The following SHTN1 variants were observed in gnomAD, a reference collection of about 807,000 sequenced individuals.
SHTN1 encodes shootin-1.
SHTN1 carries 42 observed loss-of-function variants against 83.1 expected under a neutral mutation model. The ratio of observed to expected loss-of-function variants is 0.51; its 90% CI spans 0.39 to 0.65. The LOEUF is 0.65. Among genes scored for constraint, SHTN1 ranks in the 30% least tolerant of loss-of-function variants. The pLI is 0.00. For synonymous variants in SHTN1, 224 were observed against 247.7 expected (o/e 0.90, Z 0.90); for missense variants, 622 against 737.8 (o/e 0.84, Z 1.82).
intron 1 of SHTN1, among the ~76,000 whole-genome samples, chr10:117,116,957 A>G (rs1200237390): frequency 5.3e-5 from 8 of 152,172 alleles, no homozygotes; most frequent in Non-Finnish European, 8.8e-5. Context: ...AACATATTGA[A>G]TGAAGAACAA....
intron 13 of SHTN1, among the ~76,000 whole-genome samples, chr10:116,912,194 A>G (rs981769482): frequency 6.6e-6 from 1 of 152,204 alleles, no homozygotes; most frequent in African/African-American, 2.4e-5. Flanking sequence ...TCTTAGGATA[A>G]ACTGTCCTCT....
intron 1 of SHTN1, among the ~76,000 whole-genome samples, chr10:117,001,811 T>G (rs2133540206): frequency 6.6e-6 from 1 of 152,290 alleles, no homozygotes; most frequent in African/African-American, 2.4e-5. Context: ...GACTTGATCA[T>G]TATGCATTCT....
intron 1 of SHTN1, among the ~76,000 whole-genome samples, chr10:117,077,724 C>T (rs895620604): frequency 2.6e-4 from 40 of 151,976 alleles, no homozygotes; most frequent in African/African-American, 9.4e-4. Context: ...TGAGAACATG[C>T]GGTGTTTGGT....
At chr10:117,121,098 C>T (rs1381724803) in intron 1 of SHTN1, among the ~76,000 whole-genome samples, 3 of 152,122 alleles carry the variant, frequency 2.0e-5, no homozygotes, top group South Asian at 4.1e-4. Flanking sequence ...GCATGAATGA[C>T]CATGCCCATT....
At chr10:116,983,259 A>C (rs560263130) in intron 1 of SHTN1, among the ~76,000 whole-genome samples, 10 of 152,176 alleles carry the variant, frequency 6.6e-5, no homozygotes. Context: ...AAATGAGTTA[A>C]CATATAAAAG....
At chr10:117,086,834 T>A (rs1853359417) in intron 1 of SHTN1, among the ~76,000 whole-genome samples, 1 of 152,154 alleles carries the variant, frequency 6.6e-6, no homozygotes, top group Non-Finnish European at 1.5e-5. Context: ...TATGTGAGCT[T>A]AAAGGTGGAC....
intron 11 of SHTN1, among the ~76,000 whole-genome samples, chr10:116,924,520 G>A (rs1177742058): frequency 6.6e-6 from 1 of 152,058 alleles, no homozygotes; most frequent in African/African-American, 2.4e-5. Flanking sequence ...GACATACAGT[G>A]CTCAAAGGAA....
intron 4 of SHTN1, among the ~76,000 whole-genome samples, chr10:116,958,143 T>G (rs2133436594): frequency 6.6e-6 from 1 of 152,192 alleles, no homozygotes; most frequent in Middle Eastern, 3.4e-3. Context: ...ATGGCAAAAA[T>G]TTAGAAAAAT....
At chr10:116,997,282 A>C (rs1851658879) in intron 1 of SHTN1, among the ~76,000 whole-genome samples, 1 of 152,202 alleles carries the variant, frequency 6.6e-6, no homozygotes, top group Non-Finnish European at 1.5e-5. Flanking sequence ...CTAAATGTAT[A>C]GTTCTTTGTT....
intron 1 of SHTN1, among the ~76,000 whole-genome samples, chr10:117,111,200 A>C (rs1451221689): frequency 6.6e-6 from 1 of 152,108 alleles, no homozygotes; most frequent in East Asian, 1.9e-4. Context: ...CCTGTCTCAA[A>C]AAAACAGAAA....
At chr10:117,049,668 T>C (rs1048292790) in intron 1 of SHTN1, among the ~76,000 whole-genome samples, 1 of 152,148 alleles carries the variant, frequency 6.6e-6, no homozygotes, top group Non-Finnish European at 1.5e-5. Flanking sequence ...TATTCTGCAA[T>C]AGCTAGACCA....
At chr10:116,911,597 A>C in intron 14 of SHTN1, 193 bp downstream of exon 14, 1 of 1,551,262 alleles carries the variant, frequency 6.4e-7, no homozygotes. Context: ...CAAAAACAGC[A>C]CAGTGTTATT....
chr10:117,107,426 G>A lies in SHTN1; in HGVS notation c.-189+18881C>T, dbSNP rs187160745. 2.7e-5 allele frequency among the ~76,000 whole-genome samples: 4 copies of A among 149,880 alleles called. No homozygotes were observed. In the East Asian group the frequency reaches 5.9e-4, roughly 22 times the overall value. The stretch of plus-strand genomic sequence containing the variant: ...AAGCTTCACTCACATACTCCGTTCC[G>A]CAATAGGACCCAGAACCTAAAGAGG... On this transcript the variant is annotated intron_variant, in intron 1 of 17. Transcript: ENST00000392901.
intron 1 of SHTN1, among the ~76,000 whole-genome samples, chr10:117,089,047 G>A (rs529881216): frequency 6.6e-6 from 1 of 152,256 alleles, no homozygotes; most frequent in East Asian, 1.9e-4. Flanking sequence ...TAATAGGGCT[G>A]TACAGCCCCA....
chr10:116,901,200 T>C (rs904749975), intron 16 of SHTN1: 32 of 985,262 alleles, frequency 3.2e-5, no homozygotes, highest in Non-Finnish European at 3.7e-5. Flanking sequence ...GATCCTCCAC[T>C]AGATCTGTCT....
intron 2 of SHTN1, among the ~76,000 whole-genome samples, chr10:117,023,223 G>T (rs1229893595): frequency 6.6e-6 from 1 of 152,124 alleles, no homozygotes; most frequent in East Asian, 1.9e-4. Context: ...TTGTCAAAAT[G>T]TTCAATAAAT....
At chr10:117,090,420 T>C (rs898342702) in intron 1 of SHTN1, among the ~76,000 whole-genome samples, 3 of 151,694 alleles carry the variant, frequency 2.0e-5, no homozygotes, top group Non-Finnish European at 4.4e-5. Flanking sequence ...GGCTGGGGAG[T>C]TGTTGTTTTA....
intron 11 of SHTN1, among the ~76,000 whole-genome samples, chr10:116,925,791 G>A (rs1004055290): frequency 2.0e-5 from 3 of 152,124 alleles, no homozygotes; most frequent in African/African-American, 7.2e-5. Flanking sequence ...AGTCAAATGA[G>A]TGGGAAGAGA....
intron 2 of SHTN1, among the ~76,000 whole-genome samples, chr10:117,043,470 T>C (rs192291828): frequency 6.6e-6 from 1 of 152,342 alleles, no homozygotes; most frequent in Non-Finnish European, 1.5e-5. Flanking sequence ...CAAAACTGCA[T>C]ACTTAAAAAT....
Sources: gnomAD v4.1 joint callset for allele counts (sites outside exome capture counted in the v4.1 genomes callset) on GRCh38, gnomAD v4.1.1 for gene constraint, MANE v1.5 for transcripts, NCBI Gene and HGNC (gene_info 2026-07-23, HGNC 2026-07-21) for gene names.